Variants in SATL1 observed in about 807,000 individuals in gnomAD.
SATL1 encodes spermidine/spermine N(1)-acetyltransferase-like protein 1.
In SATL1, 47 loss-of-function variants were observed where a neutral mutation model predicts 51.8. The observed-to-expected ratio is 0.91, with a 90% CI of 0.72 to 1.16. SATL1 has a LOEUF of 1.16. Among genes scored for constraint, SATL1 ranks in the 50% most tolerant of loss-of-function variants. The pLI, the probability that SATL1 is intolerant of heterozygous loss-of-function variation, is 0.00. For synonymous variants in SATL1, 176 were observed against 182.4 expected (o/e 0.97, Z 0.28); for missense variants, 520 against 526.4 (o/e 0.99, Z 0.12).
rs1178550509 is a variant in SATL1, at chrX:85,198,258, T to C, written c.-313+25947A>G. Among the ~76,000 whole-genome samples the C allele has an allele frequency of 1.2e-4, 13 of 112,219 alleles. No individual in the cohort carries two copies. In the Admixed American group the frequency reaches 1.2e-3, roughly 11 times the overall value. Reference sequence around the variant, plus strand: ...GATGGACATTTAGGTTGCTTCCAAATCTTGGTTATTGTGAATATTGCTGCA... The same window carrying C: ...GATGGACATTTAGGTTGCTTCCAAACCTTGGTTATTGTGAATATTGCTGCA... On this transcript the variant is annotated intron_variant, in intron 2 of 7. Transcript: ENST00000644105.
intron 2 of SATL1, among the ~76,000 whole-genome samples, chrX:85,171,545 A>G (rs1439505111): frequency 9.0e-6 from 1 of 111,501 alleles, no homozygotes; most frequent in Non-Finnish European, 1.9e-5. Flanking sequence ...AAGTGTAAAT[A>G]CCCTCAACCT....
intron 2 of SATL1, among the ~76,000 whole-genome samples, chrX:85,187,473 T>A (rs768781510): frequency 2.7e-5 from 3 of 111,759 alleles, no homozygotes; most frequent in Non-Finnish European, 5.6e-5. Flanking sequence ...ATAACCTTTA[T>A]TGTGTTGAGG....
intron 1 of SATL1, among the ~76,000 whole-genome samples, chrX:85,228,353 TC>T (rs994977223): frequency 9.0e-6 from 1 of 110,902 alleles, no homozygotes; most frequent in African/African-American, 3.3e-5. Flanking sequence ...CCTATTAATT[TC>T]CCCTTCTCTA....
chrX:85,217,870 T>C (rs1299058075), intron 2 of SATL1, among the ~76,000 whole-genome samples: 2 of 111,979 alleles, frequency 1.8e-5, no homozygotes, highest in African/African-American at 6.5e-5. Context: ...TCAGAGGCAG[T>C]GCCTGCCACA....
At chrX:85,225,109 T>C (rs1187266303) in intron 1 of SATL1, among the ~76,000 whole-genome samples, 1 of 111,415 alleles carries the variant, frequency 9.0e-6, no homozygotes, top group Non-Finnish European at 1.9e-5. Flanking sequence ...TTGTCAGAGA[T>C]TGAGTTAGGG....
intron 2 of SATL1, among the ~76,000 whole-genome samples, chrX:85,148,126 TA>T (rs1926311120): frequency 9.0e-6 from 1 of 111,218 alleles, no homozygotes; most frequent in Admixed American, 9.6e-5. Flanking sequence ...GAGAAGTGCT[TA>T]AAGGAGCTGA....
At chrX:85,230,394 CTTTAT>C (rs1475513755) in intron 1 of SATL1, among the ~76,000 whole-genome samples, 1 of 111,843 alleles carries the variant, frequency 8.9e-6, no homozygotes, top group East Asian at 2.8e-4. Flanking sequence ...TTGGTCATTT[CTTTAT>C]TTTATGTCAT....
At chrX:85,134,430 G>T (rs775451631) in intron 2 of SATL1, among the ~76,000 whole-genome samples, 3 of 111,511 alleles carry the variant, frequency 2.7e-5, no homozygotes, top group African/African-American at 9.8e-5. Context: ...TACCTTCTAT[G>T]TGCCAGGTAG....
intron 1 of SATL1, among the ~76,000 whole-genome samples, chrX:85,233,675 A>C (rs1437239035): frequency 8.9e-6 from 1 of 112,469 alleles, no homozygotes; most frequent in African/African-American, 3.2e-5. Context: ...TCTTAACTGC[A>C]TAATTGATCA....
chrX:85,235,085 C>A (rs1412390919), intron 1 of SATL1, among the ~76,000 whole-genome samples: 2 of 110,889 alleles, frequency 1.8e-5, no homozygotes, highest in South Asian at 3.7e-4. Flanking sequence ...TTATTTGAGA[C>A]AAAATAGATT....
At chrX:85,241,271 C>T (rs1178024086) in intron 1 of SATL1, among the ~76,000 whole-genome samples, 2 of 110,319 alleles carry the variant, frequency 1.8e-5, no homozygotes, top group African/African-American at 6.6e-5. Context: ...CTGAGGACTA[C>T]TGGAGAGGAG....
intron 3 of SATL1, among the ~76,000 whole-genome samples, chrX:85,105,288 G>T (rs1258401451): frequency 2.7e-5 from 3 of 110,646 alleles, no homozygotes; most frequent in Non-Finnish European, 5.7e-5. Flanking sequence ...AGAATGGATT[G>T]GTCAGGGAGG....
intron 2 of SATL1, among the ~76,000 whole-genome samples, chrX:85,213,664 A>T (rs192589402): frequency 8.9e-6 from 1 of 111,882 alleles, no homozygotes; most frequent in African/African-American, 3.2e-5. Flanking sequence ...GGAAACACAG[A>T]TTTGTAGTTT....
Position 85,109,141 on chromosome X carries a change from C to T in SATL1, c.-173G>A, listed in dbSNP as rs1925192578. 6.5e-6 allele frequency: 3 copies of T among 462,943 alleles called. No homozygotes were observed. The highest frequency in any genetic ancestry group is 1.1e-5 in the Non-Finnish European group (3 of 274,056). The allele number at this position is 462,943 out of a possible 1,213,427, so 38.2% of individuals were successfully genotyped here. A position where few individuals can be genotyped will look rare whatever the true frequency, so the allele number is the denominator to read the frequency against. ...AATTTGATTCGCCCACTTTGAGATA[C>T]CCCTCTATCAAGGTGGGAATTGGAA... On this transcript the variant is annotated 5_prime_UTR_variant, in exon 3 of 8. Coordinates refer to ENST00000644105, the MANE Select transcript of SATL1 (RefSeq NM_001367857.2).
At chrX:85,094,830 G>C in intron 5 of SATL1, 86 bp downstream of exon 5, 1 of 593,743 alleles carries the variant, frequency 1.7e-6, no homozygotes, top group South Asian at 2.8e-5. Flanking sequence ...CTGCTTAATA[G>C]TAATTATATG....
chrX:85,127,954 G>A (rs1423511993), intron 2 of SATL1, among the ~76,000 whole-genome samples: 1 of 107,076 alleles, frequency 9.3e-6, no homozygotes. Flanking sequence ...TTTCATCCAT[G>A]GCGCTACAAA....
chrX:85,121,801 G>A (rs1015933647), intron 2 of SATL1, among the ~76,000 whole-genome samples: 1 of 108,712 alleles, frequency 9.2e-6, no homozygotes, highest in Non-Finnish European at 1.9e-5. Flanking sequence ...CTAATGTACA[G>A]CATACTAACT....
chrX:85,131,284 G>A (rs754570455), intron 2 of SATL1, among the ~76,000 whole-genome samples: 2 of 111,425 alleles, frequency 1.8e-5, no homozygotes, highest in Non-Finnish European at 3.8e-5. Flanking sequence ...GGGGGTCTAA[G>A]TCTCTTCGTA....
intron 2 of SATL1, among the ~76,000 whole-genome samples, chrX:85,151,056 T>C (rs1926419563): frequency 2.7e-5 from 3 of 109,671 alleles, no homozygotes; most frequent in African/African-American, 3.3e-5. Context: ...TGATTGTATA[T>C]CTAGAAAACC....
Sources: allele counts gnomAD v4.1 joint callset (sites outside exome capture counted in the v4.1 genomes callset), GRCh38; gene constraint gnomAD v4.1.1; transcripts MANE v1.5; gene names NCBI Gene and HGNC (gene_info 2026-07-23, HGNC 2026-07-21).